The following CDH19 variants were observed in gnomAD, a reference collection of about 807,000 sequenced individuals.
The protein encoded by CDH19 is cadherin 19, also known as cadherin-19.
In CDH19, 67 loss-of-function variants were observed where a neutral mutation model predicts 64.2. That is an observed-to-expected ratio of 1.04 (90% CI 0.86 to 1.28). CDH19 has a LOEUF of 1.28. Among genes scored for constraint, CDH19 ranks in the 50% most tolerant of loss-of-function variants. CDH19 has a pLI of 0.00. For missense variants in CDH19, 1,030 were observed against 929.0 expected, an observed-to-expected ratio of 1.11 and a Z score of -1.41; for synonymous variants, 346 against 319.3, an observed-to-expected ratio of 1.08 and a Z score of -0.89.
chr18:66,535,419 C>T lies in CDH19; in HGVS notation c.1215-312G>A, dbSNP rs571140648. On this transcript the variant is annotated intron_variant, in intron 7 of 11. Coordinates refer to ENST00000262150, the MANE Select transcript of CDH19 (RefSeq NM_021153.4). Reference sequence around the variant, plus strand: ...GCCTAGACGAGTATTGATCTCTTTCCTATGTCACAGGTGTTGCTTGCGAAT... The same window carrying T: ...GCCTAGACGAGTATTGATCTCTTTCTTATGTCACAGGTGTTGCTTGCGAAT... Among the ~76,000 whole-genome samples the T allele has an allele frequency of 3.6e-4, 54 of 151,292 alleles. 1 individual carries two copies. In the East Asian group the frequency reaches 3.7e-3, roughly 10 times the overall value.
Position 66,509,141 on chromosome 18 carries a change from G to C in CDH19, c.1682C>G (p.Thr561Arg). The C allele has an allele frequency of 6.2e-7, 1 of 1,612,962 alleles. No individual in the cohort carries two copies. The highest frequency in any genetic ancestry group is 1.3e-5 in the African/African-American group (1 of 74,938). ...ATGGATGGTAAGGGTGTTTGTACTT[G>C]TAAGTGACGGGATTCCATTGTCGGC... ...LIADNGIPSLTSTNTLTIHVC... is the reference protein window; with the variant it reads ...LIADNGIPSLRSTNTLTIHVC... The change falls in exon 11 of 12, where the codon ACA (threonine) becomes AGA (arginine). Residue 561 changes from threonine (T) to arginine (R), a missense_variant. Thr to Arg is a moderately conservative substitution (Grantham distance 71). Coordinates refer to ENST00000262150, the MANE Select transcript of CDH19 (RefSeq NM_021153.4).
chr18:66,524,434 TGA>T (rs960071860), intron 9 of CDH19, among the ~76,000 whole-genome samples: 1 of 151,366 alleles, frequency 6.6e-6, no homozygotes, highest in African/African-American at 2.4e-5. Context: ...TCAAAATTTC[TGA>T]GAGTAGATTT....
At chr18:66,510,400 G>A (rs1598966130) in intron 10 of CDH19, among the ~76,000 whole-genome samples, 1 of 149,060 alleles carries the variant, frequency 6.7e-6, no homozygotes, top group East Asian at 2.0e-4. Flanking sequence ...TTTCACCTCA[G>A]TAATTTATTT....
intron 3 of CDH19, among the ~76,000 whole-genome samples, chr18:66,563,236 A>G (rs1987787871): frequency 6.6e-6 from 1 of 152,118 alleles, no homozygotes; most frequent in African/African-American, 2.4e-5. Flanking sequence ...TACAGGTGCC[A>G]CAGTATGCTA....
chr18:66,574,331 T>G (rs1240014507), intron 1 of CDH19, among the ~76,000 whole-genome samples: 1 of 151,650 alleles, frequency 6.6e-6, no homozygotes, highest in East Asian at 1.9e-4. Context: ...GCATGACATC[T>G]TTAGTAGACT....
intron 1 of CDH19, among the ~76,000 whole-genome samples, chr18:66,601,223 A>T (rs1430377756): frequency 6.6e-6 from 1 of 151,920 alleles, no homozygotes; most frequent in Non-Finnish European, 1.5e-5. Flanking sequence ...AATAGATGGC[A>T]AACTCTCTGA....
chr18:66,541,491 T>G (rs907222084), intron 7 of CDH19, among the ~76,000 whole-genome samples: 1 of 151,978 alleles, frequency 6.6e-6, no homozygotes, highest in Non-Finnish European at 1.5e-5. Flanking sequence ...AAGAGATAAA[T>G]AAAGAAAACC....
intron 9 of CDH19, among the ~76,000 whole-genome samples, chr18:66,526,658 A>G (rs1298666956): frequency 1.3e-5 from 2 of 152,098 alleles, no homozygotes; most frequent in Non-Finnish European, 2.9e-5. Flanking sequence ...AATATTATCA[A>G]GATACTTGTC....
intron 2 of CDH19, among the ~76,000 whole-genome samples, chr18:66,571,697 G>T (rs371016076): frequency 1.3e-5 from 2 of 151,582 alleles, no homozygotes; most frequent in Admixed American, 6.6e-5. Context: ...GTTGGTAAAT[G>T]ATATTTGTCT....
intron 1 of CDH19, among the ~76,000 whole-genome samples, chr18:66,595,751 G>T (rs1230727480): frequency 6.6e-6 from 1 of 152,038 alleles, no homozygotes; most frequent in Non-Finnish European, 1.5e-5. Context: ...AGAAGACGGG[G>T]TATCAATTTT....
chr18:66,504,768 C>T lies in CDH19; in HGVS notation c.*44G>A, dbSNP rs1568167348. 6.5e-7 allele frequency: 1 copy of T among 1,541,988 alleles called. No individual in the cohort carries two copies. Among genetic ancestry groups the T allele is most frequent in the Non-Finnish European group, 8.8e-7 (1 of 1,141,364 alleles). ...AACTCTTTAAGACTACCATTGGGTT[C>T]GAATACACATTAGCACTTTTAAAAA... On this transcript the variant is annotated 3_prime_UTR_variant, in exon 12 of 12. Coordinates refer to ENST00000262150, the MANE Select transcript of CDH19 (RefSeq NM_021153.4).
intron 1 of CDH19, among the ~76,000 whole-genome samples, chr18:66,578,559 G>T (rs1988333814): frequency 6.6e-6 from 1 of 151,780 alleles, no homozygotes; most frequent in Non-Finnish European, 1.5e-5. Context: ...TTAGAAAACA[G>T]TTCTGCAATT....
intron 3 of CDH19, among the ~76,000 whole-genome samples, chr18:66,562,045 C>T (rs79759178): frequency 0.018 from 2,689 of 151,988 alleles, 75 homozygotes; most frequent in African/African-American, 0.062. Flanking sequence ...TTTGCAGAAA[C>T]TTATTGTAAC....
chr18:66,597,319 C>A (rs1380480576), intron 1 of CDH19, among the ~76,000 whole-genome samples: 1 of 151,984 alleles, frequency 6.6e-6, no homozygotes, highest in African/African-American at 2.4e-5. Context: ...CCACAACCAT[C>A]TGATCTTCGA....
Position 66,502,231 on chromosome 18 carries a change from T to A in CDH19, c.*2581A>T, listed in dbSNP as rs1191282106. The stretch of plus-strand genomic sequence containing the variant: ...TAGAATCAGATAGTATCTTTTGATG[T>A]GGTTAAAAGGAACATATTTTAGACT... On this transcript the variant is annotated 3_prime_UTR_variant, in exon 12 of 12. Transcript: ENST00000262150. The A allele has an allele frequency of 6.6e-6, 1 of 152,090 alleles. No homozygotes were observed. The highest frequency in any genetic ancestry group is 1.5e-5 in the Non-Finnish European group (1 of 68,000). The allele number at this position is 152,090 out of a possible 1,614,324, so 9.4% of individuals were successfully genotyped here.
At chr18:66,547,734 C>G (rs1289828861) in intron 5 of CDH19, among the ~76,000 whole-genome samples, 2 of 117,790 alleles carry the variant, frequency 1.7e-5, no homozygotes, top group African/African-American at 7.1e-5. Context: ...GTGGCGGGAT[C>G]TCGGCTCACT....
intron 9 of CDH19, among the ~76,000 whole-genome samples, chr18:66,512,300 A>G (rs190039196): frequency 1.3e-5 from 2 of 151,704 alleles, no homozygotes; most frequent in African/African-American, 2.4e-5. Flanking sequence ...GCAGACATGA[A>G]CAAATCCATT....
rs1212515192 is a variant in CDH19 at position 66,554,500 on chromosome 18, G to T, written c.515C>A (p.Ala172Glu). Residue 172 changes from alanine (A) to glutamate (E), a missense_variant, in exon 4 of 12, where the codon GCA (alanine) becomes GAA (glutamate). By Grantham distance (107) the Ala-to-Glu change is moderately radical. Transcript: ENST00000262150. ...ACTTGAGGGATCGTCAGCATCACTT[G>T]CTGTCACCTGGATAACTAATGTTCC... ...PEGTLVIQVT[A>E]SDADDPSSGN... The T allele has an allele frequency of 3.1e-6, 5 of 1,610,616 alleles. No individual in the cohort carries two copies. The East Asian group carries it at 1.1e-4, about 36-fold the overall frequency.
intron 2 of CDH19, among the ~76,000 whole-genome samples, chr18:66,570,922 G>T (rs1988081220): frequency 6.6e-6 from 1 of 151,556 alleles, no homozygotes; most frequent in South Asian, 2.1e-4. Flanking sequence ...TTCAGTGATG[G>T]GAGAGTATAT....
Sources: allele counts gnomAD v4.1 joint callset (sites outside exome capture counted in the v4.1 genomes callset), GRCh38; gene constraint gnomAD v4.1.1; transcripts MANE v1.5; gene names NCBI Gene and HGNC (gene_info 2026-07-23, HGNC 2026-07-21).